The following ASTN2 variants were observed in gnomAD, a reference collection of about 807,000 sequenced individuals.
ASTN2 encodes the protein astrotactin-2.
Under a neutral mutation model 139.8 loss-of-function variants are expected in ASTN2, and 54 were observed. That is an observed-to-expected ratio of 0.39 (90% CI 0.31 to 0.48). ASTN2 has a LOEUF of 0.48. Among genes scored for constraint, ASTN2 ranks in the 20% least tolerant of loss-of-function variants. The probability of loss-of-function intolerance (pLI) is 0.95; values close to 1 mark genes in which losing one functional copy is unlikely to be tolerated. For missense variants in ASTN2, 1,565 were observed against 1,725.1 expected (o/e 0.91, Z 1.64); for synonymous variants, 756 against 719.5 (o/e 1.05, Z -0.81).
chr9:117,024,914 A>G (rs1422312531), intron 6 of ASTN2, among the ~76,000 whole-genome samples: 1 of 151,644 alleles, frequency 6.6e-6, no homozygotes, highest in Non-Finnish European at 1.5e-5. Context: ...AAGTCTCATG[A>G]GATCTGATGG....
intron 6 of ASTN2, among the ~76,000 whole-genome samples, chr9:117,032,024 G>A (rs1838260759): frequency 6.6e-6 from 1 of 152,138 alleles, no homozygotes. Flanking sequence ...CTTAAAGCAG[G>A]AGGCCAGTTT....
rs554700466 is a variant in ASTN2, at chr9:116,771,182, T to A, written c.2396+34450A>T. 2.0e-5 allele frequency among the ~76,000 whole-genome samples: 3 copies of A among 152,312 alleles called. No homozygotes were observed. The South Asian group carries it at 6.2e-4, about 32-fold the overall frequency. On this transcript the variant is annotated intron_variant, in intron 13 of 22. Coordinates refer to ENST00000313400, the MANE Select transcript of ASTN2 (RefSeq NM_001365068.1). ...TGGCTACATCAGGTACTCCTTGCACTTCATGCTTCCTCTATCATCACACAG... is the reference window on the plus strand; with the variant it reads ...TGGCTACATCAGGTACTCCTTGCACATCATGCTTCCTCTATCATCACACAG...
chr9:117,038,377 A>G (rs1190507205), intron 6 of ASTN2, among the ~76,000 whole-genome samples: 1 of 152,222 alleles, frequency 6.6e-6, no homozygotes, highest in Non-Finnish European at 1.5e-5. Context: ...TATTGCGTCT[A>G]CAGAGCACTA....
At chr9:116,609,377 G>T (rs1170842142) in intron 19 of ASTN2, among the ~76,000 whole-genome samples, 1 of 31,614 alleles carries the variant, frequency 3.2e-5, no homozygotes. Context: ...ATATATATGG[G>T]TGTATATATA....
At chr9:116,951,569 G>A (rs1835565020) in intron 10 of ASTN2, among the ~76,000 whole-genome samples, 1 of 152,082 alleles carries the variant, frequency 6.6e-6, no homozygotes, top group South Asian at 2.1e-4. Context: ...TGAAGTGCAT[G>A]AGATCAGGGT....
intron 19 of ASTN2, among the ~76,000 whole-genome samples, chr9:116,492,378 G>A (rs1849542678): frequency 6.6e-6 from 1 of 152,158 alleles, no homozygotes; most frequent in Non-Finnish European, 1.5e-5. Context: ...CACTGTGAGA[G>A]CCTTGTTTTT....
chr9:117,315,091 G>C (rs1220486094), intron 1 of ASTN2, among the ~76,000 whole-genome samples: 1 of 151,462 alleles, frequency 6.6e-6, no homozygotes, highest in Non-Finnish European at 1.5e-5. Flanking sequence ...CATACCTGGA[G>C]ATGTTTTCTA....
At chr9:116,561,010 T>A (rs184311533) in intron 19 of ASTN2, among the ~76,000 whole-genome samples, 1 of 146,454 alleles carries the variant, frequency 6.8e-6, no homozygotes, top group African/African-American at 2.6e-5. Flanking sequence ...GATATCTAGA[T>A]GAACTCTGGG....
intron 11 of ASTN2, among the ~76,000 whole-genome samples, chr9:116,836,901 T>A (rs537834251): frequency 1.8e-4 from 27 of 151,948 alleles, no homozygotes; most frequent in Middle Eastern, 3.4e-3. Context: ...ATTTTTTTTT[T>A]AAAAGAACAT....
At chr9:116,678,871 A>C (rs1414271435) in intron 16 of ASTN2, among the ~76,000 whole-genome samples, 2 of 152,216 alleles carry the variant, frequency 1.3e-5, no homozygotes, top group African/African-American at 4.8e-5. Context: ...CTAATTAAAA[A>C]CGGATATAAA....
chr9:116,974,571 C>T lies in ASTN2; in HGVS notation c.1889+637G>A, dbSNP rs146883675. Among the ~76,000 whole-genome samples the T allele has an allele frequency of 4.4e-3, 634 of 144,484 alleles. 4 individuals are homozygous for T. The highest frequency in any genetic ancestry group is 0.016 in the African/African-American group (599 of 38,436). The allele number at this position is 144,484 out of a possible 152,430, so 94.8% of individuals were successfully genotyped here. A position where few individuals can be genotyped will look rare whatever the true frequency, so the allele number is the denominator to read the frequency against. On this transcript the variant is annotated intron_variant, in intron 10 of 22. Transcript: ENST00000313400. ...TTCCCCAGGCTGGAGTGCAGTGGCT[C>T]GATCTCAGCTCACTGCAACTTCCGC...
At chr9:116,544,723 G>T (rs996089342) in intron 19 of ASTN2, among the ~76,000 whole-genome samples, 6 of 152,116 alleles carry the variant, frequency 3.9e-5, no homozygotes, top group African/African-American at 1.2e-4. Context: ...TGGATTAGGC[G>T]CTAGGGGCCA....
In ASTN2 at chr9:116,698,477, G is replaced by A. The variant is rs890942329; in HGVS notation, c.2806+27294C>T. 1.9e-6 allele frequency: 3 copies of A among 1,613,842 alleles called. No homozygotes were observed. In the African/African-American group the frequency reaches 4.0e-5, roughly 22 times the overall value. On this transcript the variant is annotated intron_variant, in intron 16 of 22. Transcript: ENST00000313400. This position sits in a 1 kb window ranked among gnomAD's most constrained non-coding sequence, Gnocchi z 4.4. ...CTCGCTGTGACTACTTCCTGGCCAAGATCAAGCAGGCAGATGTAGCACTAC... is the reference window on the plus strand; with the variant it reads ...CTCGCTGTGACTACTTCCTGGCCAAAATCAAGCAGGCAGATGTAGCACTAC...
chr9:116,998,495 C>G (rs1258517831), intron 7 of ASTN2, among the ~76,000 whole-genome samples: 1 of 151,856 alleles, frequency 6.6e-6, no homozygotes, highest in Non-Finnish European at 1.5e-5. Flanking sequence ...CACAAGAAGC[C>G]TACACCTTAC....
chr9:116,854,651 CTTT>C (rs764856702), intron 11 of ASTN2, among the ~76,000 whole-genome samples: 21 of 121,876 alleles, frequency 1.7e-4, no homozygotes, highest in Non-Finnish European at 2.2e-4. Flanking sequence ...TTCCTTCTCT[CTTT>C]TTTTTTTTTT....
chr9:116,544,529 A>C (rs1425787172), intron 19 of ASTN2, among the ~76,000 whole-genome samples: 2 of 152,204 alleles, frequency 1.3e-5, no homozygotes, highest in Non-Finnish European at 2.9e-5. Context: ...GGAAAGGATG[A>C]TTTGGGTTCT....
chr9:116,591,240 C>T (rs573906742), intron 19 of ASTN2, among the ~76,000 whole-genome samples: 1 of 152,324 alleles, frequency 6.6e-6, no homozygotes, highest in African/African-American at 2.4e-5. Flanking sequence ...CCAGATGCCA[C>T]CATGTTCCCT....
At chr9:116,475,192 C>T (rs1848939879) in intron 20 of ASTN2, among the ~76,000 whole-genome samples, 1 of 152,200 alleles carries the variant, frequency 6.6e-6, no homozygotes. Context: ...ATCTAGATTT[C>T]TGGCTTGGAA....
At chr9:117,194,717 C>T (rs1203600744) in intron 3 of ASTN2, among the ~76,000 whole-genome samples, 2 of 152,174 alleles carry the variant, frequency 1.3e-5, no homozygotes, top group Non-Finnish European at 2.9e-5. Context: ...CCAGCACATG[C>T]TTGGACTTGG....
Sources: gnomAD v4.1 joint callset for allele counts (sites outside exome capture counted in the v4.1 genomes callset) on GRCh38, gnomAD v4.1.1 for gene constraint, Gnocchi (gnomAD v3.1) non-coding constraint, MANE v1.5 for transcripts, NCBI Gene and HGNC (gene_info 2026-07-23, HGNC 2026-07-21) for gene names.